The following EXT1 variants were observed in gnomAD, a reference collection of about 807,000 sequenced individuals.
EXT1 encodes exostosin-1.
Under a neutral mutation model 82.5 loss-of-function variants are expected in EXT1, and 20 were observed. The ratio of observed to expected loss-of-function variants is 0.24; its 90% CI spans 0.17 to 0.35. The LOEUF (loss-of-function observed/expected upper bound fraction) is 0.35. EXT1 is among the 10% of genes least tolerant of loss of function. The pLI, the probability that EXT1 is intolerant of heterozygous loss-of-function variation, is 1.00. For synonymous variants in EXT1, 348 were observed against 350.8 expected (o/e 0.99, Z 0.09); for missense variants, 757 against 936.5 (o/e 0.81, Z 2.50).
intron 1 of EXT1, among the ~76,000 whole-genome samples, chr8:117,895,868 G>T (rs1813326293): frequency 6.6e-6 from 1 of 152,176 alleles, no homozygotes; most frequent in South Asian, 2.1e-4. Context: ...CGCATCCAAA[G>T]TAACGCTCAT....
chr8:118,023,072 C>A (rs1281768743), intron 1 of EXT1, among the ~76,000 whole-genome samples: 4 of 152,172 alleles, frequency 2.6e-5, no homozygotes, highest in Non-Finnish European at 4.4e-5. Flanking sequence ...AGGCAAGGTC[C>A]CAATATTTCC....
At chr8:117,848,359 A>C (rs1812399443) in intron 1 of EXT1, among the ~76,000 whole-genome samples, 1 of 152,128 alleles carries the variant, frequency 6.6e-6, no homozygotes, top group Non-Finnish European at 1.5e-5. Context: ...GTACAACAGT[A>C]CCCTGGGGAA....
At chr8:118,072,627 A>C (rs1817116190) in intron 1 of EXT1, among the ~76,000 whole-genome samples, 1 of 152,198 alleles carries the variant, frequency 6.6e-6, no homozygotes, top group African/African-American at 2.4e-5. Flanking sequence ...GATCGAAAGC[A>C]ATGTGGAAAT....
At chr8:117,858,265 G>C (rs1252883905) in intron 1 of EXT1, among the ~76,000 whole-genome samples, 2 of 152,214 alleles carry the variant, frequency 1.3e-5, no homozygotes, top group Non-Finnish European at 2.9e-5. Context: ...TAGGTAAAAT[G>C]CTATCAAACA....
chr8:117,980,987 C>T (rs1398721151), intron 1 of EXT1, among the ~76,000 whole-genome samples: 2 of 152,120 alleles, frequency 1.3e-5, no homozygotes, highest in African/African-American at 4.8e-5. Flanking sequence ...AGTCAGCCCA[C>T]AGATGCATCA....
At chr8:118,063,889 C>T (rs559396858) in intron 1 of EXT1, among the ~76,000 whole-genome samples, 11 of 148,590 alleles carry the variant, frequency 7.4e-5, no homozygotes, top group East Asian at 5.8e-4. Flanking sequence ...TTTATTGAGA[C>T]GGAGTCTCGC....
At chr8:117,850,138 A>T (rs750865389) in intron 1 of EXT1, among the ~76,000 whole-genome samples, 2 of 152,192 alleles carry the variant, frequency 1.3e-5, no homozygotes, top group African/African-American at 2.4e-5. Context: ...CCTTAATGGG[A>T]CAGCATTTCT....
intron 1 of EXT1, among the ~76,000 whole-genome samples, chr8:117,991,298 C>T (rs2129788560): frequency 6.6e-6 from 1 of 152,134 alleles, no homozygotes; most frequent in South Asian, 2.1e-4. Flanking sequence ...TGTGAAATGC[C>T]ATATAAAGTG....
chr8:117,812,527 T>C (rs1179974942), intron 8 of EXT1, among the ~76,000 whole-genome samples: 1 of 152,188 alleles, frequency 6.6e-6, no homozygotes, highest in African/African-American at 2.4e-5. Flanking sequence ...TTCAACCTAA[T>C]GCAGAACACG....
intron 1 of EXT1, among the ~76,000 whole-genome samples, chr8:117,951,564 A>G (rs1296215399): frequency 6.6e-6 from 1 of 152,232 alleles, no homozygotes; most frequent in African/African-American, 2.4e-5. Flanking sequence ...CTGCCTATGG[A>G]AAAAGACAAA....
intron 1 of EXT1, among the ~76,000 whole-genome samples, chr8:117,881,131 T>C (rs1427497762): frequency 6.6e-6 from 1 of 152,184 alleles, no homozygotes; most frequent in Admixed American, 6.5e-5. Flanking sequence ...GGTGGTAAAC[T>C]ATGGTTCATG....
intron 4 of EXT1, among the ~76,000 whole-genome samples, chr8:117,824,032 C>G (rs1335036846): frequency 6.6e-6 from 1 of 152,102 alleles, no homozygotes; most frequent in African/African-American, 2.4e-5. Flanking sequence ...TTTATTCCTG[C>G]TTTTTATTAT....
At chr8:118,061,184 C>A (rs1186452315) in intron 1 of EXT1, among the ~76,000 whole-genome samples, 1 of 152,186 alleles carries the variant, frequency 6.6e-6, no homozygotes, top group Non-Finnish European at 1.5e-5. Flanking sequence ...ACACTGCACA[C>A]AAAACACGTG....
intron 1 of EXT1, among the ~76,000 whole-genome samples, chr8:118,107,131 T>A (rs192895550): frequency 3.9e-5 from 6 of 152,288 alleles, no homozygotes; most frequent in African/African-American, 1.4e-4. Flanking sequence ...AAAGCAACCT[T>A]TTTTTAGTTG....
chr8:118,004,531 G>A (rs540470916), intron 1 of EXT1, among the ~76,000 whole-genome samples: 4 of 152,296 alleles, frequency 2.6e-5, no homozygotes, highest in African/African-American at 7.2e-5. Context: ...GCCACGAAAG[G>A]GAGGAAACCA....
chr8:118,106,581 C>T (rs1817806178), intron 1 of EXT1, among the ~76,000 whole-genome samples: 1 of 152,148 alleles, frequency 6.6e-6, no homozygotes, highest in South Asian at 2.1e-4. Context: ...TCCAGAAAAG[C>T]TTTAAATATT....
At chr8:118,009,871 A>C (rs1366465854) in intron 1 of EXT1, among the ~76,000 whole-genome samples, 1 of 152,172 alleles carries the variant, frequency 6.6e-6, no homozygotes, top group East Asian at 1.9e-4. Flanking sequence ...GGTGCCAAAA[A>C]GGTTGGGAAC....
At chr8:118,038,613 A>G (rs1175316928) in intron 1 of EXT1, among the ~76,000 whole-genome samples, 2 of 152,196 alleles carry the variant, frequency 1.3e-5, no homozygotes, top group East Asian at 3.8e-4. Context: ...AACAGCACTT[A>G]CCATTTACCA....
At chr8:117,973,698 G>C (rs1464812779) in intron 1 of EXT1, among the ~76,000 whole-genome samples, 2 of 151,584 alleles carry the variant, frequency 1.3e-5, no homozygotes, top group African/African-American at 4.9e-5. Context: ...AGCCCAGTAG[G>C]TCAAGACTGC....
Sources: allele counts gnomAD v4.1 joint callset (sites outside exome capture counted in the v4.1 genomes callset), GRCh38; gene constraint gnomAD v4.1.1; transcripts MANE v1.5; gene names NCBI Gene and HGNC (gene_info 2026-07-23, HGNC 2026-07-21).